Variants in ELAVL2 observed in about 807,000 individuals in gnomAD.
ELAVL2 encodes the protein ELAV like RNA binding protein 2.
ELAVL2 carries 4 observed loss-of-function variants against 34.6 expected under a neutral mutation model. That is an observed-to-expected ratio of 0.12 (90% confidence interval 0.06 to 0.26). The LOEUF is 0.26. ELAVL2 is among the 10% of genes least tolerant of loss of function. The probability of loss-of-function intolerance (pLI) is 1.00; values close to 1 mark genes in which losing one functional copy is unlikely to be tolerated. For missense variants in ELAVL2, 432 were observed against 442.8 expected, an observed-to-expected ratio of 0.98 and a Z score of 0.22; for synonymous variants, 193 against 154.8, an observed-to-expected ratio of 1.25 and a Z score of -1.83.
At chr9:23,813,949 C>A (rs536702090) in intron 1 of ELAVL2, among the ~76,000 whole-genome samples, 1 of 152,248 alleles carries the variant, frequency 6.6e-6, no homozygotes, top group South Asian at 2.1e-4. Flanking sequence ...GGCAAACAAA[C>A]CAAGGTCAAA....
chr9:23,839,283 GA>G, the ELAVL2 span, among the ~76,000 whole-genome samples: 3,480 of 145,244 alleles, frequency 0.024, 84 homozygotes, highest in East Asian at 0.057. Context: ...CGACTGTTTT[GA>G]AAAAAAAAAA....
chr9:23,755,982 T>C (rs978024279), intron 2 of ELAVL2, among the ~76,000 whole-genome samples: 1 of 152,134 alleles, frequency 6.6e-6, no homozygotes, highest in African/African-American at 2.4e-5. Flanking sequence ...TTCACTGTGA[T>C]TGACTCATAG....
intron 5 of ELAVL2, among the ~76,000 whole-genome samples, chr9:23,696,439 G>C (rs1300902726): frequency 1.3e-5 from 2 of 152,098 alleles, no homozygotes; most frequent in African/African-American, 4.8e-5. Context: ...TGTCTGCTGG[G>C]TCTGTCCACT....
At position 23,691,266 on chromosome 9, in the gene ELAVL2, A is replaced by T. The variant is rs535861382; in HGVS notation, c.*1291T>A. The stretch of plus-strand genomic sequence containing the variant: ...CTTGGCATGTAAGGGAAAAAAAATT[A>T]AATTAGCTGAAAGGTTCATAAACAC... On this transcript the variant is annotated 3_prime_UTR_variant, in exon 7 of 7. Coordinates refer to ENST00000397312, the MANE Select transcript of ELAVL2 (RefSeq NM_004432.5). The T allele has an allele frequency of 1.3e-5, 2 of 152,752 alleles. No homozygotes were observed. The highest frequency in any genetic ancestry group is 2.9e-5 in the Non-Finnish European group (2 of 68,002). The allele number at this position is 152,752 out of a possible 1,614,324, so 9.5% of individuals were successfully genotyped here. A position where few individuals can be genotyped will look rare whatever the true frequency, so the allele number is the denominator to read the frequency against.
chr9:23,719,440 T>C (rs2043113109), intron 3 of ELAVL2, among the ~76,000 whole-genome samples: 1 of 152,228 alleles, frequency 6.6e-6, no homozygotes, highest in African/African-American at 2.4e-5. Context: ...ATGCATATTT[T>C]ACAATTCCCC....
the ELAVL2 span, among the ~76,000 whole-genome samples, chr9:23,842,636 A>C: frequency 2.6e-5 from 4 of 152,140 alleles, no homozygotes; most frequent in Non-Finnish European, 4.4e-5. Context: ...TGGATACTAA[A>C]TAGCTAACTC....
chr9:23,733,190 A>C (rs1167296267), intron 2 of ELAVL2, among the ~76,000 whole-genome samples: 1 of 151,062 alleles, frequency 6.6e-6, no homozygotes, highest in East Asian at 1.9e-4. Flanking sequence ...AAAAAAAAAA[A>C]AACTAAAACA....
At position 23,692,730 on chromosome 9, in the gene ELAVL2, T is replaced by C; in HGVS notation, c.907A>G (p.Thr303Ala). 1 of 1,614,178 alleles carries C rather than the reference T, an allele frequency of 6.2e-7. No individual in the cohort carries two copies. The highest frequency in any genetic ancestry group is 8.5e-7 in the Non-Finnish European group (1 of 1,179,996). The change falls in exon 7 of 7, where the codon ACC (threonine) becomes GCC (alanine). Residue 303 changes from threonine to alanine, a missense_variant. Coordinates refer to ENST00000397312, the MANE Select transcript of ELAVL2 (RefSeq NM_004432.5). ...AAGTCACGGATGACCTTCACATTGG[T>C]GACAGCTCCAAAAGGCCCAAACATT... is the stretch of plus-strand genomic sequence containing the variant. ...WQMFGPFGAV[T>A]NVKVIRDFNT...
chr9:23,719,663 T>G (rs535334145), intron 3 of ELAVL2, among the ~76,000 whole-genome samples: 18 of 152,284 alleles, frequency 1.2e-4, no homozygotes, highest in African/African-American at 4.3e-4. Flanking sequence ...TAAAAAATTA[T>G]AGCATAAAAT....
At chr9:23,771,472 T>C (rs1046692003) in intron 1 of ELAVL2, among the ~76,000 whole-genome samples, 5 of 152,022 alleles carry the variant, frequency 3.3e-5, no homozygotes, top group Non-Finnish European at 7.4e-5. Flanking sequence ...TACAAAAATT[T>C]TGACTTTATA....
chr9:23,698,867 A>C (rs1304015389), intron 5 of ELAVL2, among the ~76,000 whole-genome samples: 1 of 152,228 alleles, frequency 6.6e-6, no homozygotes, highest in Non-Finnish European at 1.5e-5. Flanking sequence ...CACCCAATCT[A>C]GATCAAACAC....
intron 1 of ELAVL2, chr9:23,764,872 T>C: frequency 2.4e-6 from 2 of 819,644 alleles, no homozygotes; most frequent in Non-Finnish European, 3.9e-6. Context: ...GTCCTAATGA[T>C]GGCCATACCA....
At chr9:23,762,273 T>G (rs371106420) in intron 1 of ELAVL2, 24 bp from the exon 2 acceptor site, 3 of 1,610,420 alleles carry the variant, frequency 1.9e-6, no homozygotes, top group Non-Finnish European at 2.5e-6. Flanking sequence ...AAACAAGAAA[T>G]GTCAGAATTC....
At chr9:23,725,014 C>T (rs528394802) in intron 3 of ELAVL2, among the ~76,000 whole-genome samples, 33 of 152,078 alleles carry the variant, frequency 2.2e-4, no homozygotes, top group Non-Finnish European at 3.4e-4. Context: ...ATGAGGGGTA[C>T]TTTGTAGACG....
chr9:23,805,133 A>G (rs1025498948), intron 1 of ELAVL2, among the ~76,000 whole-genome samples: 1 of 152,204 alleles, frequency 6.6e-6, no homozygotes, highest in East Asian at 1.9e-4. Flanking sequence ...AGACCACCTA[A>G]TAGGAAATAT....
At position 23,700,547 on chromosome 9, in the gene ELAVL2, C is replaced by T. The variant is rs532931593; in HGVS notation, c.713+832G>A. On this transcript the variant is annotated intron_variant, in intron 5 of 6. Transcript: ENST00000397312. ...TACAGAGAGGTCAGTAAATTACAAC[C>T]GACAGGCCAAATGGAGACTGCCTCC... Among the ~76,000 whole-genome samples the T allele has an allele frequency of 1.3e-4, 20 of 152,278 alleles. No individual in the cohort carries two copies. In the South Asian group the frequency reaches 3.9e-3, roughly 30 times the overall value.
At chr9:23,812,612 T>C (rs970949367) in intron 1 of ELAVL2, among the ~76,000 whole-genome samples, 1 of 152,084 alleles carries the variant, frequency 6.6e-6, no homozygotes, top group Non-Finnish European at 1.5e-5. Context: ...GAATAGAAGA[T>C]GCTTGGTACC....
At chr9:23,760,880 C>G (rs1262680968) in intron 2 of ELAVL2, among the ~76,000 whole-genome samples, 1 of 152,054 alleles carries the variant, frequency 6.6e-6, no homozygotes, top group Non-Finnish European at 1.5e-5. Context: ...CTAGAACTCA[C>G]TTGCAGATCT....
At chr9:23,718,810 C>T (rs1411375681) in intron 3 of ELAVL2, among the ~76,000 whole-genome samples, 1 of 152,240 alleles carries the variant, frequency 6.6e-6, no homozygotes, top group East Asian at 1.9e-4. Context: ...TAGAGAATAA[C>T]CATAGGGAAA....
Sources: gnomAD v4.1 joint callset for allele counts (sites outside exome capture counted in the v4.1 genomes callset) on GRCh38, gnomAD v4.1.1 for gene constraint, MANE v1.5 for transcripts, NCBI Gene and HGNC (gene_info 2026-07-23, HGNC 2026-07-21) for gene names.